Variants in DPP9 observed in about 807,000 individuals in gnomAD.
DPP9 encodes the protein dipeptidyl peptidase 9.
Under a neutral mutation model 110.7 loss-of-function variants are expected in DPP9, and 50 were observed. The ratio of observed to expected loss-of-function variants is 0.45; its 90% CI spans 0.36 to 0.57. The LOEUF is 0.57. DPP9 is among the 20% of genes least tolerant of loss of function. The pLI is 0.00. For synonymous variants in DPP9, 561 were observed against 514.4 expected, an observed-to-expected ratio of 1.09 and a Z score of -1.23; for missense variants, 1,022 against 1,217.9, an observed-to-expected ratio of 0.84 and a Z score of 2.39.
At position 4,684,714 on chromosome 19, in the gene DPP9, C is replaced by T. The variant is rs774814593; in HGVS notation, c.2127G>A (p.Arg709=). 36 of 1,612,086 alleles carry T rather than the reference C, an allele frequency of 2.2e-5. 1 individual carries two copies. The South Asian group carries it at 2.6e-4, about 12-fold the overall frequency. ...LGYAVVVIDG[R]GSCQRGLRFE... Reference sequence around the variant, plus strand: ...ACCGAAGCCCTCGCTGACAGGAGCCCCTGCCGTCAATCACAACCACGGCGT... The same window carrying T: ...ACCGAAGCCCTCGCTGACAGGAGCCTCTGCCGTCAATCACAACCACGGCGT... The change falls in exon 18 of 22, where the codon AGG becomes AGA. Residue 709 remains arginine (R), a synonymous_variant. Coordinates refer to ENST00000262960, the MANE Select transcript of DPP9 (RefSeq NM_139159.5). This position sits in a 1 kb window ranked among gnomAD's most constrained non-coding sequence, Gnocchi z 4.8.
chr19:4,679,310 G>C (rs1415156601), intron 21 of DPP9: 4 of 147,046 alleles, frequency 2.7e-5, no homozygotes, highest in East Asian at 2.1e-4. Context: ...CGCCCACCTA[G>C]ACTGAGCCCC....
chr19:4,689,869 G>T lies in DPP9; in HGVS notation c.1597-147C>A. On this transcript the variant is annotated intron_variant, in intron 14 of 21. Coordinates refer to ENST00000262960, the MANE Select transcript of DPP9 (RefSeq NM_139159.5). This position sits in a 1 kb window ranked among gnomAD's most constrained non-coding sequence, Gnocchi z 7.0. ...CAAGTCTGGCTTTAGGGCTGGAGATGAACCATCCCTGAGAGATGCGCTTAT... is the reference window on the plus strand; with the variant it reads ...CAAGTCTGGCTTTAGGGCTGGAGATTAACCATCCCTGAGAGATGCGCTTAT... 1.1e-6 allele frequency: 1 copy of T among 909,530 alleles called. No individual in the cohort carries two copies. The highest frequency in any genetic ancestry group is 1.6e-6 in the Non-Finnish European group (1 of 626,498). 56.3% of individuals were successfully genotyped at this position (909,530 alleles called of 1,614,324 possible). A position where few individuals can be genotyped will look rare whatever the true frequency, so the allele number is the denominator to read the frequency against.
intron 3 of DPP9, 26 bp downstream of exon 3, chr19:4,719,825 A>T: frequency 3.2e-6 from 5 of 1,551,636 alleles, no homozygotes; most frequent in Non-Finnish European, 4.4e-6. Context: ...ATCCTCACGG[A>T]TCAGGGCCTC....
Position 4,694,271 on chromosome 19 carries a change from C to A in DPP9, c.1516+390G>T. On this transcript the variant is annotated intron_variant, in intron 13 of 21. Coordinates refer to ENST00000262960, the MANE Select transcript of DPP9 (RefSeq NM_139159.5). This position sits in a 1 kb window ranked among gnomAD's most constrained non-coding sequence, Gnocchi z 4.0. The stretch of plus-strand genomic sequence containing the variant: ...TGCACAACAGTTTCTGCTGGGACTA[C>A]CCAGTTCTGCTGCTGCAGCACAAAA... The A allele has an allele frequency of 2.7e-6, 1 of 368,446 alleles. No homozygotes were observed. The allele number at this position is 368,446 out of a possible 1,614,324, so 22.8% of individuals were successfully genotyped here.
chr19:4,676,475 G>T lies in DPP9; in HGVS notation c.*89C>A. On this transcript the variant is annotated 3_prime_UTR_variant, in exon 22 of 22. Transcript: ENST00000262960. This position sits in a 1 kb window ranked among gnomAD's most constrained non-coding sequence, Gnocchi z 4.0. ...GGGCGGGACAAAGTGCCTCACTGGG[G>T]CCCGCGGGCCACTCAGTCCCTCCCG... 1 of 1,167,204 alleles carries T rather than the reference G, an allele frequency of 8.6e-7. No homozygotes were observed. The highest frequency in any genetic ancestry group is 1.2e-6 in the Non-Finnish European group (1 of 802,140). The allele number at this position is 1,167,204 out of a possible 1,614,324, so 72.3% of individuals were successfully genotyped here.
In DPP9 at chr19:4,689,669, C is replaced by G. The variant is rs780220422; in HGVS notation, c.1650G>C (p.Thr550=). The G allele has an allele frequency of 6.4e-7, 1 of 1,561,272 alleles. No homozygotes were observed. ...KLVYFQGTKD[T]PLEHHLYVVS... ...CCACGTAGAGGTGGTGCTCCAGCGG[C>G]GTGTCCTTGGTGCCCTGGAAGTACA... The change falls in exon 15 of 22, where the codon ACG becomes ACC. Residue 550 remains threonine, a synonymous_variant. Transcript: ENST00000262960. This position sits in a 1 kb window ranked among gnomAD's most constrained non-coding sequence, Gnocchi z 7.0.
intron 11 of DPP9, among the ~76,000 whole-genome samples, chr19:4,696,429 G>A (rs1291077264): frequency 2.0e-5 from 3 of 151,282 alleles, no homozygotes; most frequent in Non-Finnish European, 4.4e-5. Context: ...AGACCTGCCT[G>A]GGCCTGGGCA....
chr19:4,693,780 C>G lies in DPP9; in HGVS notation c.1516+881G>C, dbSNP rs1240394085. On this transcript the variant is annotated intron_variant, in intron 13 of 21. Coordinates refer to ENST00000262960, the MANE Select transcript of DPP9 (RefSeq NM_139159.5). The surrounding 1 kb of genome is among the most constrained non-coding windows in gnomAD (Gnocchi z 5.0). ...TCAAAGCCCAAGTCCTCCTGGAGCC[C>G]CAGCAGGCCCTGCACCATCTGCTTT... Among the ~76,000 whole-genome samples, 2 of 152,076 alleles carry G rather than the reference C, an allele frequency of 1.3e-5. No homozygotes were observed. Among genetic ancestry groups the G allele is most frequent in the Non-Finnish European group, 2.9e-5 (2 of 67,966 alleles).
rs2090434325 is a variant in DPP9 at position 4,684,803 on chromosome 19, G to C, written c.2038C>G (p.Leu680Val). 1 of 1,592,942 alleles carries C rather than the reference G, an allele frequency of 6.3e-7. No individual in the cohort carries two copies. Among genetic ancestry groups the C allele is most frequent in the Non-Finnish European group, 8.5e-7 (1 of 1,170,592 alleles). Reference protein sequence around the residue: ...LFVYGGPQVQLVNNSFKGIKY... With the variant: ...LFVYGGPQVQVVNNSFKGIKY... ...ATGCCTTTGAAGGAGTTATTCACCA[G>C]CTGCACCTGTGGGGAGGTGAGGGCC... The change falls in exon 18 of 22, where the codon CTG becomes GTG. Residue 680 changes from leucine to valine, a missense_variant. Leu to Val is a conservative substitution (Grantham distance 32, BLOSUM62 1). This residue lies in a region of DPP9 where 3 missense variants were observed against 16.9 expected (regional missense o/e 0.18). Coordinates refer to ENST00000262960, the MANE Select transcript of DPP9 (RefSeq NM_139159.5). The surrounding 1 kb of genome is among the most constrained non-coding windows in gnomAD (Gnocchi z 4.8).
chr19:4,681,634 C>T (rs932785550), intron 20 of DPP9, among the ~76,000 whole-genome samples: 22 of 151,902 alleles, frequency 1.4e-4, no homozygotes, highest in Admixed American at 3.9e-4. Flanking sequence ...GCACGATGTT[C>T]GCTCACTACC....
chr19:4,699,865 G>A (rs1356927312), intron 10 of DPP9, among the ~76,000 whole-genome samples: 2 of 152,198 alleles, frequency 1.3e-5, no homozygotes, highest in African/African-American at 2.4e-5. Flanking sequence ...GAAACTTGGA[G>A]AGAGGGCAGC....
Position 4,700,291 on chromosome 19 carries a change from A to G in DPP9, c.1013-14T>C. On this transcript the variant is annotated splice_polypyrimidine_tract_variant and intron_variant, in intron 9 of 21. Transcript: ENST00000262960. The surrounding 1 kb of genome is among the most constrained non-coding windows in gnomAD (Gnocchi z 4.3). Reference sequence around the variant, plus strand: ...GATTCTTGCTGCCTGCAAAAACCGAAGTGAGGTGAACACCAGGCAGGCATC... The same window carrying G: ...GATTCTTGCTGCCTGCAAAAACCGAGGTGAGGTGAACACCAGGCAGGCATC... 1 of 1,596,776 alleles carries G rather than the reference A, an allele frequency of 6.3e-7. No homozygotes were observed. Among genetic ancestry groups the G allele is most frequent in the South Asian group, 1.1e-5 (1 of 88,986 alleles).
rs760022607 is a variant in DPP9, at chr19:4,688,877, C to G, written c.1765G>C (p.Val589Leu). The G allele has an allele frequency of 6.6e-7, 1 of 1,519,812 alleles. No individual in the cohort carries two copies. 94.1% of individuals were successfully genotyped at this position (1,519,812 alleles called of 1,614,324 possible). A position where few individuals can be genotyped will look rare whatever the true frequency, so the allele number is the denominator to read the frequency against. The change falls in exon 16 of 22, where the codon GTC (valine) becomes CTC (leucine). Residue 589 changes from valine (V) to leucine (L), a missense_variant. Physicochemically the swap from Val to Leu is conservative, Grantham distance 32 (BLOSUM62 1). Transcript: ENST00000262960. ...GTGCTCACGCTGCTGTAGTGGCTGA[C>G]GAACATGTCGAAGTTCTGGGGGTGG... ...CSMSQNFDMF[V>L]SHYSSVSTPP...
Position 4,677,475 on chromosome 19 carries a change from TG to T in DPP9, c.2587-820del, listed in dbSNP as rs537653146. ...AATCATCCCCTCCTCTCCAGGCTCCTGGTCCCCACTGTTGCCCATCACCCTG... is the reference window on the plus strand; with the variant it reads ...AATCATCCCCTCCTCTCCAGGCTCCTGTCCCCACTGTTGCCCATCACCCTG... On this transcript the variant is annotated intron_variant, in intron 21 of 21. Coordinates refer to ENST00000262960, the MANE Select transcript of DPP9 (RefSeq NM_139159.5). Among the ~76,000 whole-genome samples the T allele has an allele frequency of 3.3e-5, 5 of 152,298 alleles. No individual in the cohort carries two copies. The South Asian group carries it at 1.0e-3, about 32-fold the overall frequency.
rs754533662 is a variant in DPP9 at position 4,695,507 on chromosome 19, G to A, written c.1224C>T (p.Val408=). 1.9e-5 allele frequency: 30 copies of A among 1,545,890 alleles called. No individual in the cohort carries two copies. Among genetic ancestry groups the A allele is most frequent in the Non-Finnish European group, 2.2e-5 (25 of 1,148,718 alleles). Residue 408 remains valine, a synonymous_variant, in exon 12 of 22, where the codon GTC becomes GTT. Coordinates refer to ENST00000262960, the MANE Select transcript of DPP9 (RefSeq NM_139159.5). The surrounding 1 kb of genome is among the most constrained non-coding windows in gnomAD (Gnocchi z 4.7). The part of the protein sequence containing the change: ...LDRPQQWLQL[V]LLPPALFIPS... ...GGATGAACAGGGCCGGGGGGAGGAG[G>A]ACGAGCTGGAGCCACTGCTGGGGCC... is the stretch of plus-strand genomic sequence containing the variant.
chr19:4,696,514 A>G (rs1370633971), intron 11 of DPP9, among the ~76,000 whole-genome samples: 1 of 151,916 alleles, frequency 6.6e-6, no homozygotes, highest in African/African-American at 2.4e-5. Context: ...TAATCCCAGC[A>G]CTTTGGGAAG....
chr19:4,698,108 G>A lies in DPP9; in HGVS notation c.1075-457C>T, dbSNP rs1402522445. Among the ~76,000 whole-genome samples the A allele has an allele frequency of 1.3e-5, 2 of 152,212 alleles. No homozygotes were observed. The highest frequency in any genetic ancestry group is 2.4e-5 in the African/African-American group (1 of 41,452). ...GGGCAGGTGGGCTGGGCAAGCCAAC[G>A]GCGGCACCCCAGCAGGTGCCTGGAC... On this transcript the variant is annotated intron_variant, in intron 10 of 21. Coordinates refer to ENST00000262960, the MANE Select transcript of DPP9 (RefSeq NM_139159.5). The surrounding 1 kb of genome is among the most constrained non-coding windows in gnomAD (Gnocchi z 4.2).
In DPP9 at chr19:4,675,803, C is replaced by A. The variant is rs569824041; in HGVS notation, c.*761G>T. 6.6e-6 allele frequency: 1 copy of A among 152,500 alleles called. No individual in the cohort carries two copies. The highest frequency in any genetic ancestry group is 2.1e-4 in the South Asian group (1 of 4,834). 9.4% of individuals were successfully genotyped at this position (152,500 alleles called of 1,614,324 possible). On this transcript the variant is annotated 3_prime_UTR_variant, in exon 22 of 22. Transcript: ENST00000262960. ...TTATTTATTTTGAGACAGAGTTTCG[C>A]TCTTGTTGCCCAGGCTGGAGTGCAA...
intron 16 of DPP9, 105 bp downstream of exon 16, chr19:4,688,652 C>A: frequency 2.3e-6 from 3 of 1,305,830 alleles, no homozygotes; most frequent in Non-Finnish European, 2.9e-6. Context: ...GGAGGCCAGG[C>A]AGGCCAGCTC....
Sources: allele counts gnomAD v4.1 joint callset (sites outside exome capture counted in the v4.1 genomes callset), GRCh38; gene constraint gnomAD v4.1.1; regional missense constraint gnomAD v4.1.1; non-coding constraint Gnocchi (gnomAD v3.1); transcripts MANE v1.5; gene names NCBI Gene and HGNC (gene_info 2026-07-23, HGNC 2026-07-21).